IKZF1: variants seen among roughly 807,000 people sequenced by gnomAD.
IKZF1 encodes DNA-binding protein Ikaros.
IKZF1 carries 10 observed loss-of-function variants against 51.7 expected under a neutral mutation model. That is an observed-to-expected ratio of 0.19 (90% CI 0.12 to 0.33). IKZF1 has a LOEUF of 0.33. Ranked by LOEUF, IKZF1 falls within the 10% of genes least tolerant of loss-of-function variation. The pLI, the probability that IKZF1 is intolerant of heterozygous loss-of-function variation, is 1.00. For missense variants in IKZF1, 484 were observed against 707.5 expected (o/e 0.68, Z 3.58); for synonymous variants, 280 against 282.3 (o/e 0.99, Z 0.08).
chr7:50,335,371 GTGTGTGGTGTGTATGTGTGTATGGGA>G, intron 3 of IKZF1, among the ~76,000 whole-genome samples: 1 of 137,966 alleles, frequency 7.2e-6, no homozygotes, highest in Non-Finnish European at 1.6e-5. Flanking sequence ...GGGATGTGTG[GTGTGTGGTGTGTATGTGTGTATGGGA>G]TGTGTGGTGT....
At chr7:50,325,572 G>A (rs937850754) in intron 2 of IKZF1, among the ~76,000 whole-genome samples, 1 of 152,162 alleles carries the variant, frequency 6.6e-6, no homozygotes, top group Non-Finnish European at 1.5e-5. Context: ...AGGAGATCGA[G>A]ACCATCTTGG....
At chr7:50,386,250 A>C (rs533602126) in intron 5 of IKZF1, among the ~76,000 whole-genome samples, 3 of 152,364 alleles carry the variant, frequency 2.0e-5, no homozygotes, top group Admixed American at 2.0e-4. Flanking sequence ...TCACTCAATA[A>C]AATCCAAGAA....
chr7:50,335,160 G>A (rs1797359222), intron 3 of IKZF1, among the ~76,000 whole-genome samples: 1 of 150,524 alleles, frequency 6.6e-6, no homozygotes, highest in Non-Finnish European at 1.5e-5. Context: ...TATGTGTATG[G>A]GATATATGAT....
Position 50,400,137 on chromosome 7 carries a change from G to A in IKZF1, c.1070G>A (p.Gly357Asp), listed in dbSNP as rs751623054. Residue 357 changes from glycine to aspartate, a missense_variant, in exon 8 of 8, where the codon GGC becomes GAC. Coordinates refer to ENST00000331340, the MANE Select transcript of IKZF1 (RefSeq NM_006060.6). This position sits in a 1 kb window ranked among gnomAD's most constrained non-coding sequence, Gnocchi z 5.4. ...CAGCTGCACAAGCCGCTCGCGGAGG[G>A]CACCCCGCGCTCCAACCACTCGGCC... The part of the protein sequence containing the change: ...MYQLHKPLAE[G>D]TPRSNHSAQD... 6.4e-7 allele frequency: 1 copy of A among 1,561,336 alleles called. No homozygotes were observed. The highest frequency in any genetic ancestry group is 2.4e-5 in the East Asian group (1 of 41,460).
At chr7:50,360,831 G>A (rs1254617007) in intron 3 of IKZF1, among the ~76,000 whole-genome samples, 3 of 152,182 alleles carry the variant, frequency 2.0e-5, no homozygotes, top group East Asian at 1.9e-4. Context: ...GGCTCTGCCC[G>A]GCGCTGCCCC....
At chr7:50,321,740 C>T (rs983135673) in intron 2 of IKZF1, among the ~76,000 whole-genome samples, 4 of 152,132 alleles carry the variant, frequency 2.6e-5, no homozygotes, top group African/African-American at 7.2e-5. Context: ...ATTCCGATCT[C>T]GTATCTTAGT....
intron 3 of IKZF1, among the ~76,000 whole-genome samples, chr7:50,372,997 C>A (rs897571787): frequency 6.6e-6 from 1 of 152,256 alleles, no homozygotes; most frequent in Non-Finnish European, 1.5e-5. Context: ...TCTGTTACAG[C>A]TCTCAGTGAC....
chr7:50,325,297 T>C (rs1271461562), intron 2 of IKZF1, among the ~76,000 whole-genome samples: 1 of 68,222 alleles, frequency 1.5e-5, no homozygotes, highest in Non-Finnish European at 2.7e-5. Context: ...AAAAAAAAAA[T>C]TCCTCTGACA....
chr7:50,350,094 G>A (rs116049002), intron 3 of IKZF1, among the ~76,000 whole-genome samples: 2,387 of 152,238 alleles, frequency 0.016, 44 homozygotes, highest in African/African-American at 0.046. Flanking sequence ...GGGCAGCCCC[G>A]GGGTGGGCCT....
At chr7:50,389,014 T>C (rs894095493) in intron 6 of IKZF1, among the ~76,000 whole-genome samples, 2 of 152,216 alleles carry the variant, frequency 1.3e-5, no homozygotes, top group Admixed American at 1.3e-4. Flanking sequence ...AGACAGTATA[T>C]CATTTCTGTT....
intron 4 of IKZF1, among the ~76,000 whole-genome samples, chr7:50,379,722 A>G (rs996498128): frequency 1.3e-5 from 2 of 152,212 alleles, no homozygotes; most frequent in Admixed American, 6.5e-5. Flanking sequence ...ACAGCACCCT[A>G]ATGGCACTGC....
At chr7:50,351,826 T>C (rs1028311156) in intron 3 of IKZF1, among the ~76,000 whole-genome samples, 4 of 152,234 alleles carry the variant, frequency 2.6e-5, no homozygotes, top group Admixed American at 1.3e-4. Flanking sequence ...TTAACACTTT[T>C]GGATGAGGAC....
At chr7:50,364,612 T>G (rs1425296933) in intron 3 of IKZF1, among the ~76,000 whole-genome samples, 1 of 152,238 alleles carries the variant, frequency 6.6e-6, no homozygotes, top group African/African-American at 2.4e-5. Flanking sequence ...GAGGCAGGAC[T>G]GTCTTCAGGG....
intron 2 of IKZF1, among the ~76,000 whole-genome samples, chr7:50,323,447 C>G (rs1157581262): frequency 6.6e-6 from 1 of 152,168 alleles, no homozygotes; most frequent in Non-Finnish European, 1.5e-5. Context: ...GATGACAGAA[C>G]TTTGTTGAGT....
intron 3 of IKZF1, chr7:50,367,865 C>T: frequency 1.7e-6 from 1 of 600,218 alleles, no homozygotes; most frequent in South Asian, 2.1e-5. Context: ...GAAGGGCCAG[C>T]AATAGCAGAT....
At chr7:50,397,377 A>G (rs1324254294) in intron 7 of IKZF1, among the ~76,000 whole-genome samples, 1 of 152,096 alleles carries the variant, frequency 6.6e-6, no homozygotes, top group Non-Finnish European at 1.5e-5. Flanking sequence ...TTCTATGGTA[A>G]TTTTCATGTG....
At chr7:50,372,404 C>T (rs1166019540) in intron 3 of IKZF1, among the ~76,000 whole-genome samples, 1 of 152,246 alleles carries the variant, frequency 6.6e-6, no homozygotes, top group East Asian at 1.9e-4. Context: ...TTAGACTTCA[C>T]CAACCTTTCC....
chr7:50,344,339 G>A (rs912430993), intron 3 of IKZF1, among the ~76,000 whole-genome samples: 2 of 152,172 alleles, frequency 1.3e-5, no homozygotes, highest in Admixed American at 6.5e-5. Flanking sequence ...GGCCACATCC[G>A]CTGATGTTGT....
intron 2 of IKZF1, 48 bp from the exon 3 acceptor site, chr7:50,327,590 C>A (rs747065382): frequency 1.3e-6 from 2 of 1,541,266 alleles, no homozygotes; most frequent in Non-Finnish European, 1.8e-6. Context: ...GAAGCCCAGG[C>A]ACCTTGACCA....
Sources: gnomAD v4.1 joint callset for allele counts (sites outside exome capture counted in the v4.1 genomes callset) on GRCh38, gnomAD v4.1.1 for gene constraint, Gnocchi (gnomAD v3.1) non-coding constraint, MANE v1.5 for transcripts, NCBI Gene and HGNC (gene_info 2026-07-23, HGNC 2026-07-21) for gene names.